SAP30BP: variants seen among roughly 807,000 people sequenced by gnomAD.
The protein encoded by SAP30BP is SAP30-binding protein.
In SAP30BP, 31 loss-of-function variants were observed where a neutral mutation model predicts 46.3. The observed-to-expected ratio is 0.67, with a 90% CI of 0.50 to 0.90. The LOEUF is 0.90. Among genes scored for constraint, SAP30BP ranks in the 40% least tolerant of loss-of-function variants. SAP30BP has a pLI of 0.00. For synonymous variants in SAP30BP, 169 were observed against 144.2 expected (o/e 1.17, Z -1.23); for missense variants, 312 against 391.0 (o/e 0.80, Z 1.70).
intron 3 of SAP30BP, among the ~76,000 whole-genome samples, chr17:75,673,690 A>C (rs538184740): frequency 6.6e-6 from 1 of 152,020 alleles, no homozygotes; most frequent in African/African-American, 2.4e-5. Context: ...TTTGTGAGTC[A>C]GGGTGGGGGT....
chr17:75,681,683 A>G (rs1437169904), intron 3 of SAP30BP, among the ~76,000 whole-genome samples: 1 of 152,168 alleles, frequency 6.6e-6, no homozygotes, highest in Non-Finnish European at 1.5e-5. Context: ...TATTCTTTTT[A>G]TTGAACACAG....
intron 4 of SAP30BP, among the ~76,000 whole-genome samples, chr17:75,698,001 C>A (rs571908458): frequency 6.6e-6 from 1 of 152,370 alleles, no homozygotes; most frequent in East Asian, 1.9e-4. Context: ...TTTGTTCATT[C>A]TTTCTCTTCA....
chr17:75,671,750 T>C, intron 2 of SAP30BP, 66 bp from the exon 3 acceptor site: 9 of 1,244,922 alleles, frequency 7.2e-6, no homozygotes, highest in Middle Eastern at 1.9e-4. Flanking sequence ...CGGCCCCTAG[T>C]TATGCATGTG....
chr17:75,669,522 C>T (rs895050840), intron 2 of SAP30BP, among the ~76,000 whole-genome samples: 3 of 151,958 alleles, frequency 2.0e-5, no homozygotes, highest in African/African-American at 4.8e-5. Flanking sequence ...GGATTACAGG[C>T]GTGAGCCACT....
rs548529538 is a variant in SAP30BP, at chr17:75,685,120, G to A, written c.265-8320G>A. Among the ~76,000 whole-genome samples, 51 of 152,218 alleles carry A rather than the reference G, an allele frequency of 3.4e-4. No homozygotes were observed. In the East Asian group the frequency reaches 8.9e-3, roughly 27 times the overall value. ...GTTCCACAGCCCACAGGGAGCCACC[G>A]CGTGTCTGGTACACCCTCCCATCAG... On this transcript the variant is annotated intron_variant, in intron 3 of 10. Transcript: ENST00000584667.
chr17:75,704,720 G>C, intron 8 of SAP30BP, 36 bp from the exon 9 acceptor site: 2 of 1,567,076 alleles, frequency 1.3e-6, no homozygotes, highest in African/African-American at 2.7e-5. Context: ...AGCTGCTCGG[G>C]GGCCACCTTT....
Position 75,706,422 on chromosome 17 carries a change from C to T in SAP30BP, c.828C>T (p.Ala276=). Residue 276 remains alanine (A), a synonymous_variant, in exon 11 of 11, where the codon GCC becomes GCT. Transcript: ENST00000584667. This position sits in a 1 kb window ranked among gnomAD's most constrained non-coding sequence, Gnocchi z 4.6. ...IAQPTILTTT[A]TLPAVVTVTT... is the part of the protein sequence containing the mutation. Reference sequence around the variant, plus strand: ...AGCCCACCATCCTCACCACCACAGCCACCCTGCCAGCTGTTGTCACGGTCA... The same window carrying T: ...AGCCCACCATCCTCACCACCACAGCTACCCTGCCAGCTGTTGTCACGGTCA... 1 of 1,614,160 alleles carries T rather than the reference C, an allele frequency of 6.2e-7. No individual in the cohort carries two copies. The highest frequency in any genetic ancestry group is 8.5e-7 in the Non-Finnish European group (1 of 1,179,992).
At chr17:75,671,757 T>C in intron 2 of SAP30BP, 59 bp from the exon 3 acceptor site, 3 of 1,363,304 alleles carry the variant, frequency 2.2e-6, no homozygotes, top group Non-Finnish European at 3.2e-6. Context: ...TAGTTATGCA[T>C]GTGAGACTCC....
chr17:75,675,796 A>G (rs1269030880), intron 3 of SAP30BP, among the ~76,000 whole-genome samples: 1 of 152,130 alleles, frequency 6.6e-6, no homozygotes, highest in Non-Finnish European at 1.5e-5. Context: ...GCATGCCTCT[A>G]GTCCCAGCTA....
intron 3 of SAP30BP, among the ~76,000 whole-genome samples, chr17:75,685,857 A>T (rs1421718970): frequency 6.6e-6 from 1 of 152,132 alleles, no homozygotes; most frequent in African/African-American, 2.4e-5. Flanking sequence ...CGTTCCTGAC[A>T]CTCTGGGGAT....
chr17:75,705,559 C>A, intron 9 of SAP30BP: 2 of 960,902 alleles, frequency 2.1e-6, no homozygotes, highest in South Asian at 4.1e-5. Context: ...TCATTCTTAA[C>A]CCTTGATTGA....
chr17:75,695,320 A>G (rs962220735), intron 4 of SAP30BP, among the ~76,000 whole-genome samples: 2 of 152,210 alleles, frequency 1.3e-5, no homozygotes, highest in Non-Finnish European at 2.9e-5. Context: ...ACATTGCCAA[A>G]TGTCCCCTTG....
intron 3 of SAP30BP, among the ~76,000 whole-genome samples, chr17:75,688,119 C>T (rs893434818): frequency 1.3e-5 from 2 of 152,094 alleles, no homozygotes; most frequent in African/African-American, 2.4e-5. Flanking sequence ...GAGGCCTACA[C>T]GGGGCTTTCT....
chr17:75,681,838 T>G (rs1423507012), intron 3 of SAP30BP, among the ~76,000 whole-genome samples: 1 of 152,144 alleles, frequency 6.6e-6, no homozygotes, highest in Non-Finnish European at 1.5e-5. Flanking sequence ...AGCAAAGGGT[T>G]GCATTCCTCC....
chr17:75,705,556 T>C (rs2060483344), intron 9 of SAP30BP: 4 of 954,056 alleles, frequency 4.2e-6, no homozygotes, highest in Non-Finnish European at 5.1e-6. Flanking sequence ...TTCTCATTCT[T>C]AACCCTTGAT....
intron 3 of SAP30BP, among the ~76,000 whole-genome samples, chr17:75,687,329 T>A (rs2060171538): frequency 6.6e-6 from 1 of 152,156 alleles, no homozygotes; most frequent in Non-Finnish European, 1.5e-5. Context: ...GGAAAGAGGA[T>A]GCAGGGCCAG....
At position 75,706,355 on chromosome 17, in the gene SAP30BP, A is replaced by C; in HGVS notation, c.761A>C (p.Lys254Thr). 6.2e-7 allele frequency: 1 copy of C among 1,613,588 alleles called. No homozygotes were observed. Among genetic ancestry groups the C allele is most frequent in the Non-Finnish European group, 8.5e-7 (1 of 1,179,918 alleles). ...TTATCTCCAGATGCTCAGAAGAGAA[A>C]GAGCAAGTGGGATTCGGCTATCCCA... ...STAVADAQKR[K>T]SKWDSAIPVT... The change falls in exon 11 of 11, where the codon AAG becomes ACG. Residue 254 changes from lysine (K) to threonine (T), a missense_variant. Coordinates refer to ENST00000584667, the MANE Select transcript of SAP30BP (RefSeq NM_013260.8). This position sits in a 1 kb window ranked among gnomAD's most constrained non-coding sequence, Gnocchi z 4.6.
intron 9 of SAP30BP, 141 bp from the exon 10 acceptor site, chr17:75,705,867 C>T: frequency 7.8e-7 from 1 of 1,278,400 alleles, no homozygotes; most frequent in East Asian, 2.4e-5. Context: ...CTCGCCCTAC[C>T]CCAGATGGGC....
intron 3 of SAP30BP, chr17:75,690,858 G>A (rs2060231535): frequency 1.6e-5 from 7 of 429,170 alleles, no homozygotes; most frequent in South Asian, 1.2e-4. Flanking sequence ...ATGGGAATCT[G>A]AACCAACACA....
Sources: gnomAD v4.1 joint callset for allele counts (sites outside exome capture counted in the v4.1 genomes callset) on GRCh38, gnomAD v4.1.1 for gene constraint, Gnocchi (gnomAD v3.1) non-coding constraint, MANE v1.5 for transcripts, NCBI Gene and HGNC (gene_info 2026-07-23, HGNC 2026-07-21) for gene names.